Variants in SLC9A9 observed in about 807,000 individuals in gnomAD.
SLC9A9 encodes solute carrier family 9 member A9.
Under a neutral mutation model 77.8 loss-of-function variants are expected in SLC9A9, and 62 were observed. The observed-to-expected ratio is 0.80, with a 90% CI of 0.65 to 0.98. The LOEUF is 0.98. Among genes scored for constraint, SLC9A9 ranks in the 50% least tolerant of loss-of-function variants. The pLI, the probability that SLC9A9 is intolerant of heterozygous loss-of-function variation, is 0.00. For missense variants in SLC9A9, 775 were observed against 774.9 expected, an observed-to-expected ratio of 1.00 and a Z score of 0.00; for synonymous variants, 320 against 283.5, an observed-to-expected ratio of 1.13 and a Z score of -1.29.
At chr3:143,312,905 A>T (rs74448435) in intron 14 of SLC9A9, among the ~76,000 whole-genome samples, 1 of 152,084 alleles carries the variant, frequency 6.6e-6, no homozygotes, top group Non-Finnish European at 1.5e-5. Flanking sequence ...CCCCAAGAAC[A>T]TACTCTTCTT....
At chr3:143,404,861 T>G (rs1046719726) in intron 12 of SLC9A9, among the ~76,000 whole-genome samples, 3 of 152,248 alleles carry the variant, frequency 2.0e-5, no homozygotes, top group African/African-American at 7.2e-5. Flanking sequence ...GTTTTCTTTC[T>G]CCTTTGTTTT....
At chr3:143,649,107 C>A (rs1449665997) in intron 6 of SLC9A9, among the ~76,000 whole-genome samples, 1 of 152,222 alleles carries the variant, frequency 6.6e-6, no homozygotes. Context: ...GACACCAGAT[C>A]TTCTGACTCT....
At chr3:143,271,090 C>G (rs1323577171) in intron 14 of SLC9A9, among the ~76,000 whole-genome samples, 1 of 148,154 alleles carries the variant, frequency 6.7e-6, no homozygotes, top group Non-Finnish European at 1.5e-5. Flanking sequence ...CCCCTAGTCA[C>G]TTAGTAGCCA....
rs11341160 is a variant in SLC9A9, at chr3:143,502,472, T to TA, written c.1090-7025dup. 1.5e-4 allele frequency among the ~76,000 whole-genome samples: 22 copies of TA among 151,502 alleles called. No individual in the cohort carries two copies. The Middle Eastern group carries it at 0.01, about 70-fold the overall frequency. ...TTGAGTTACTGTATTTACTAGAAAG[T>TA]AAAAAAAAAGTCATATCTATTTTAT... is the stretch of plus-strand genomic sequence containing the variant. On this transcript the variant is annotated intron_variant, in intron 9 of 15. Coordinates refer to ENST00000316549, the MANE Select transcript of SLC9A9 (RefSeq NM_173653.4).
intron 12 of SLC9A9, among the ~76,000 whole-genome samples, chr3:143,388,044 C>T (rs936377510): frequency 5.1e-4 from 77 of 152,212 alleles, no homozygotes; most frequent in African/African-American, 1.8e-3. Flanking sequence ...TCCTCTAAGA[C>T]CTGCTTTTGA....
intron 14 of SLC9A9, chr3:143,313,226 C>CTGCA (rs2031086335): frequency 6.6e-6 from 1 of 152,258 alleles, no homozygotes; most frequent in African/African-American, 2.4e-5. Flanking sequence ...GGTGGAGGAA[C>CTGCA]TGCAGTTCAG....
At chr3:143,808,019 G>A (rs2008770237) in intron 2 of SLC9A9, among the ~76,000 whole-genome samples, 1 of 152,212 alleles carries the variant, frequency 6.6e-6, no homozygotes, top group African/African-American at 2.4e-5. Context: ...CGGGAGTTGG[G>A]GAGAGAAGGC....
intron 4 of SLC9A9, among the ~76,000 whole-genome samples, chr3:143,755,385 A>G (rs1305091035): frequency 6.6e-6 from 1 of 152,226 alleles, no homozygotes; most frequent in Non-Finnish European, 1.5e-5. Context: ...CAAATGCTTA[A>G]CATGTTCACA....
intron 2 of SLC9A9, among the ~76,000 whole-genome samples, chr3:143,826,773 C>T (rs1434207463): frequency 6.6e-6 from 1 of 152,100 alleles, no homozygotes; most frequent in Non-Finnish European, 1.5e-5. Context: ...CATGGAATTC[C>T]TCCCCTCTGT....
At chr3:143,624,793 G>T (rs571720490) in intron 6 of SLC9A9, among the ~76,000 whole-genome samples, 5 of 152,284 alleles carry the variant, frequency 3.3e-5, no homozygotes, top group East Asian at 3.9e-4. Context: ...AAGAAATAAA[G>T]GGTATTCAAT....
At chr3:143,674,222 A>G (rs901826302) in intron 5 of SLC9A9, among the ~76,000 whole-genome samples, 1 of 152,176 alleles carries the variant, frequency 6.6e-6, no homozygotes, top group African/African-American at 2.4e-5. Context: ...GTGAGGTTCC[A>G]ATAAGTTAAA....
intron 11 of SLC9A9, among the ~76,000 whole-genome samples, chr3:143,468,200 T>C (rs2035318060): frequency 6.6e-6 from 1 of 152,196 alleles, no homozygotes; most frequent in African/African-American, 2.4e-5. Flanking sequence ...GTACAATCAC[T>C]AGGTAGTATA....
rs1937722258 is a variant in SLC9A9 at position 143,266,491 on chromosome 3, A to C, written c.*211T>G. The stretch of plus-strand genomic sequence containing the variant: ...TCCAGTAATCAGAATGGCTGCTGTC[A>C]AAAAACTAAATTCATTTGCATAATA... On this transcript the variant is annotated 3_prime_UTR_variant, in exon 16 of 16. Transcript: ENST00000316549. 1.6e-6 allele frequency: 1 copy of C among 611,380 alleles called. No homozygotes were observed. Among genetic ancestry groups the C allele is most frequent in the South Asian group, 1.9e-5 (1 of 51,318 alleles). The allele number at this position is 611,380 out of a possible 1,614,324, so 37.9% of individuals were successfully genotyped here.
chr3:143,473,155 C>T (rs1034177373), intron 11 of SLC9A9, among the ~76,000 whole-genome samples: 5 of 152,184 alleles, frequency 3.3e-5, no homozygotes, highest in African/African-American at 1.2e-4. Context: ...TCCCACTGCA[C>T]CACCTTGGCC....
intron 6 of SLC9A9, among the ~76,000 whole-genome samples, chr3:143,593,381 T>C (rs1302902511): frequency 6.6e-6 from 1 of 152,230 alleles, no homozygotes; most frequent in Admixed American, 6.5e-5. Context: ...GTGGGTACTG[T>C]TGTACTATAC....
chr3:143,307,567 A>G (rs766502398), intron 14 of SLC9A9, among the ~76,000 whole-genome samples: 2 of 152,116 alleles, frequency 1.3e-5, no homozygotes, highest in East Asian at 1.9e-4. Context: ...GCCTCTGCCT[A>G]TTGCTTTCTG....
chr3:143,687,600 C>T (rs1992864), intron 5 of SLC9A9, among the ~76,000 whole-genome samples: 65,490 of 151,846 alleles, frequency 0.43, 14,301 homozygotes, highest in South Asian at 0.6. Context: ...GGTTGACTTT[C>T]ATTTTCCCTA....
At chr3:143,581,693 G>T (rs138141948) in intron 6 of SLC9A9, among the ~76,000 whole-genome samples, 6 of 152,320 alleles carry the variant, frequency 3.9e-5, no homozygotes, top group African/African-American at 7.2e-5. Context: ...CCCACATCAG[G>T]ATAGTTGAGT....
At chr3:143,467,215 A>G (rs2035296704) in intron 11 of SLC9A9, 25 bp from the exon 12 acceptor site, 1 of 1,614,086 alleles carries the variant, frequency 6.2e-7, no homozygotes, top group East Asian at 2.2e-5. Flanking sequence ...CAAAGGAGAA[A>G]ATAAATGCCT....
Sources: gnomAD v4.1 joint callset for allele counts (sites outside exome capture counted in the v4.1 genomes callset) on GRCh38, gnomAD v4.1.1 for gene constraint, MANE v1.5 for transcripts, NCBI Gene and HGNC (gene_info 2026-07-23, HGNC 2026-07-21) for gene names.